The following IL1RAPL1 variants were observed in gnomAD, a reference collection of about 807,000 sequenced individuals.
The protein encoded by IL1RAPL1 is interleukin-1 receptor accessory protein-like 1.
A neutral mutation model predicts 48.4 loss-of-function variants in IL1RAPL1; 3 were observed. That is an observed-to-expected ratio of 0.06 (90% CI 0.03 to 0.16). The LOEUF (loss-of-function observed/expected upper bound fraction) is 0.16, where lower values mean the gene tolerates loss of function less well. IL1RAPL1 is among the 10% of genes least tolerant of loss of function. IL1RAPL1 has a pLI of 1.00. For synonymous variants in IL1RAPL1, 185 were observed against 187.7 expected (o/e 0.99, Z 0.12); for missense variants, 349 against 530.6 (o/e 0.66, Z 3.36).
At chrX:29,297,223 C>G (rs756742990) in intron 3 of IL1RAPL1, among the ~76,000 whole-genome samples, 30 of 112,324 alleles carry the variant, frequency 2.7e-4, no homozygotes, top group African/African-American at 3.9e-4. Context: ...CACTATCACA[C>G]CAGGTTGGAT....
At chrX:29,092,466 CT>C (rs1928111541) in intron 2 of IL1RAPL1, among the ~76,000 whole-genome samples, 1 of 111,761 alleles carries the variant, frequency 8.9e-6, no homozygotes, top group Admixed American at 9.5e-5. Context: ...TGATTACTAA[CT>C]GTGGTTTATA....
intron 6 of IL1RAPL1, among the ~76,000 whole-genome samples, chrX:29,903,045 T>C (rs1054949949): frequency 9.9e-5 from 11 of 111,051 alleles, no homozygotes; most frequent in African/African-American, 2.9e-4. Flanking sequence ...GATAAATCTC[T>C]GATTTCCAAA....
intron 2 of IL1RAPL1, among the ~76,000 whole-genome samples, chrX:29,004,797 G>A (rs1925936876): frequency 9.0e-6 from 1 of 111,377 alleles, no homozygotes; most frequent in African/African-American, 3.3e-5. Context: ...GGAGTTTGAG[G>A]CTGTTTTGAG....
chrX:28,735,625 A>G (rs969078607), intron 1 of IL1RAPL1, among the ~76,000 whole-genome samples: 1 of 109,205 alleles, frequency 9.2e-6, no homozygotes, highest in African/African-American at 3.3e-5. Context: ...AAAAAAAATT[A>G]GCTGGGTGTA....
intron 1 of IL1RAPL1, among the ~76,000 whole-genome samples, chrX:28,726,765 G>C (rs902542812): frequency 1.8e-5 from 2 of 111,312 alleles, no homozygotes; most frequent in African/African-American, 6.5e-5. Flanking sequence ...GAGGTATAGA[G>C]AGAATAGGCA....
chrX:29,067,075 G>A (rs1023782962), intron 2 of IL1RAPL1, among the ~76,000 whole-genome samples: 1 of 111,423 alleles, frequency 9.0e-6, no homozygotes, highest in African/African-American at 3.3e-5. Context: ...ACCTTATGGA[G>A]ACTTGAAATG....
intron 2 of IL1RAPL1, among the ~76,000 whole-genome samples, chrX:29,203,745 A>C (rs1454570934): frequency 5.3e-5 from 5 of 95,028 alleles, no homozygotes; most frequent in Non-Finnish European, 1.0e-4. Flanking sequence ...ATATATATAT[A>C]TATATATATA....
intron 1 of IL1RAPL1, among the ~76,000 whole-genome samples, chrX:28,686,110 G>A (rs181793709): frequency 2.1e-4 from 24 of 111,942 alleles, no homozygotes; most frequent in Non-Finnish European, 2.8e-4. Flanking sequence ...TTGGGATCAT[G>A]TGTTGTGCAC....
intron 5 of IL1RAPL1, among the ~76,000 whole-genome samples, chrX:29,494,956 A>G (rs1378224596): frequency 1.8e-5 from 2 of 112,037 alleles, no homozygotes; most frequent in Non-Finnish European, 3.8e-5. Context: ...CTAACCTGTG[A>G]AAATTCAGAA....
At chrX:28,718,676 G>C (rs144210679) in intron 1 of IL1RAPL1, among the ~76,000 whole-genome samples, 1 of 111,426 alleles carries the variant, frequency 9.0e-6, no homozygotes, top group South Asian at 3.7e-4. Context: ...GGTAAATCAC[G>C]TGATTTATTA....
intron 5 of IL1RAPL1, among the ~76,000 whole-genome samples, chrX:29,483,974 T>A (rs2147748356): frequency 9.8e-6 from 1 of 101,575 alleles, no homozygotes; most frequent in Non-Finnish European, 2.0e-5. Flanking sequence ...ACTGCAGGCG[T>A]GAGCCACTGC....
intron 5 of IL1RAPL1, among the ~76,000 whole-genome samples, chrX:29,560,401 CT>C (rs1353541791): frequency 1.8e-5 from 2 of 111,813 alleles, no homozygotes; most frequent in Non-Finnish European, 3.8e-5. Context: ...CTTCATGAAT[CT>C]AAATATCTAT....
At chrX:29,155,061 G>T (rs1440802947) in intron 2 of IL1RAPL1, among the ~76,000 whole-genome samples, 3 of 104,375 alleles carry the variant, frequency 2.9e-5, no homozygotes, top group Non-Finnish European at 5.8e-5. Flanking sequence ...AGGCTGGATT[G>T]CAATGGCATG....
chrX:29,392,742 A>G (rs1357664314), intron 3 of IL1RAPL1, among the ~76,000 whole-genome samples: 1 of 111,874 alleles, frequency 8.9e-6, no homozygotes, highest in Non-Finnish European at 1.9e-5. Context: ...GAAAGAGGTG[A>G]TGGCTGTGGT....
chrX:28,955,094 A>G (rs1424111968), intron 2 of IL1RAPL1, among the ~76,000 whole-genome samples: 1 of 111,893 alleles, frequency 8.9e-6, no homozygotes, highest in Non-Finnish European at 1.9e-5. Flanking sequence ...TTGTTAGACT[A>G]TTTTGATTGG....
intron 5 of IL1RAPL1, among the ~76,000 whole-genome samples, chrX:29,435,056 A>G (rs1441613158): frequency 1.8e-5 from 2 of 111,142 alleles, no homozygotes; most frequent in Admixed American, 1.9e-4. Context: ...GAATTATACA[A>G]TAGGTGATCT....
At chrX:29,881,558 T>G (rs1482350610) in intron 6 of IL1RAPL1, among the ~76,000 whole-genome samples, 1 of 110,912 alleles carries the variant, frequency 9.0e-6, no homozygotes, top group Non-Finnish European at 1.9e-5. Flanking sequence ...AATTTTAATT[T>G]TTGTGGTGAC....
chrX:29,038,553 T>G (rs780406435), intron 2 of IL1RAPL1, among the ~76,000 whole-genome samples: 3 of 111,671 alleles, frequency 2.7e-5, no homozygotes, highest in Admixed American at 9.6e-5. Flanking sequence ...ATCACTAATA[T>G]TCTCTTTGAC....
At chrX:29,580,827 ATTGAC>A in intron 5 of IL1RAPL1, among the ~76,000 whole-genome samples, 1 of 111,928 alleles carries the variant, frequency 8.9e-6, no homozygotes, top group East Asian at 2.8e-4. Context: ...ATATACCTTT[ATTGAC>A]TTATAACAGA....
Sources: gnomAD v4.1 joint callset for allele counts (sites outside exome capture counted in the v4.1 genomes callset) on GRCh38, gnomAD v4.1.1 for gene constraint, MANE v1.5 for transcripts, NCBI Gene and HGNC (gene_info 2026-07-23, HGNC 2026-07-21) for gene names.